The following ISG20L2 variants were observed in gnomAD, a reference collection of about 807,000 sequenced individuals.
ISG20L2 encodes interferon stimulated exonuclease gene 20 like 2, also known as interferon-stimulated 20 kDa exonuclease-like 2.
ISG20L2 carries 14 observed loss-of-function variants against 27.8 expected under a neutral mutation model. The observed-to-expected ratio is 0.50, with a 90% CI of 0.33 to 0.79. The LOEUF is 0.79. Ranked by LOEUF, ISG20L2 falls within the 30% of genes least tolerant of loss-of-function variation. The pLI is 0.02. For synonymous variants in ISG20L2, 157 were observed against 165.7 expected, an observed-to-expected ratio of 0.95 and a Z score of 0.40; for missense variants, 393 against 435.1, an observed-to-expected ratio of 0.90 and a Z score of 0.86.
chr1:156,723,186 C>G lies in ISG20L2; in HGVS notation c.*163G>C, dbSNP rs79994359. 1.2e-6 allele frequency: 1 copy of G among 839,484 alleles called. No homozygotes were observed. The highest frequency in any genetic ancestry group is 1.7e-5 in the South Asian group (1 of 60,122). 52.0% of individuals were successfully genotyped at this position (839,484 alleles called of 1,614,324 possible). On this transcript the variant is annotated 3_prime_UTR_variant, in exon 4 of 4. Transcript: ENST00000368219. ...CTTAACCAGACACAGGACACAACAC[C>G]TGAGGTGAAATTTCAATGGGTATTA... is the stretch of plus-strand genomic sequence containing the variant.
At position 156,723,136 on chromosome 1, in the gene ISG20L2, G is replaced by T; in HGVS notation, c.*213C>A. The T allele has an allele frequency of 1.7e-6, 1 of 602,446 alleles. No individual in the cohort carries two copies. The highest frequency in any genetic ancestry group is 2.9e-6 in the Non-Finnish European group (1 of 346,254). The allele number at this position is 602,446 out of a possible 1,614,324, so 37.3% of individuals were successfully genotyped here. A position where few individuals can be genotyped will look rare whatever the true frequency, so the allele number is the denominator to read the frequency against. ...AAGGTATAGGGTTGGGTTCTGACGT[G>T]AAGGCTTTCCCCTTCCATGGGACAC... is the stretch of plus-strand genomic sequence containing the variant. On this transcript the variant is annotated 3_prime_UTR_variant, in exon 4 of 4. Transcript: ENST00000368219.
chr1:156,727,656 G>C lies in ISG20L2; in HGVS notation c.-4C>G, dbSNP rs1283707668. 1.9e-6 allele frequency: 3 copies of C among 1,607,382 alleles called. No individual in the cohort carries two copies. The African/African-American group carries it at 4.0e-5, about 22-fold the overall frequency. ...GATTGAGCAGTAAAGTAGACATAGG[G>C]ACAATGGAAGGCGGAAGAGTAGTTG... On this transcript the variant is annotated 5_prime_UTR_variant, in exon 2 of 4. Coordinates refer to ENST00000368219, the MANE Select transcript of ISG20L2 (RefSeq NM_001370150.2).
chr1:156,726,988 A>G lies in ISG20L2; in HGVS notation c.665T>C (p.Ile222Thr). ...ACTCCACCTGGTTCGGTAGTCCACA[A>G]TGTGGCAGGGGGGAAGAATGTACTC... Reference protein sequence around the residue: ...YDEYILPPCHIVDYRTRWSGI... With the variant: ...YDEYILPPCHTVDYRTRWSGI... Residue 222 changes from isoleucine to threonine, a missense_variant, in exon 2 of 4, where the codon ATT becomes ACT. Coordinates refer to ENST00000368219, the MANE Select transcript of ISG20L2 (RefSeq NM_001370150.2). The G allele has an allele frequency of 6.2e-6, 10 of 1,614,238 alleles. No individual in the cohort carries two copies. The highest frequency in any genetic ancestry group is 1.1e-5 in the South Asian group (1 of 91,090).
At chr1:156,726,421 G>A (rs1012368023) in intron 2 of ISG20L2, 5 of 985,016 alleles carry the variant, frequency 5.1e-6, no homozygotes, top group South Asian at 4.7e-5. Flanking sequence ...ACCTAAAATA[G>A]TTTTTTTGTT....
chr1:156,723,640 C>T, intron 3 of ISG20L2, 178 bp from the exon 4 acceptor site: 1 of 985,350 alleles, frequency 1.0e-6, no homozygotes. Context: ...AGGGGTTCAA[C>T]TCCTAGGAAG....
chr1:156,727,308 T>G lies in ISG20L2; in HGVS notation c.345A>C (p.Lys115Asn), dbSNP rs369221159. The change falls in exon 2 of 4, where the codon AAA becomes AAC. Residue 115 changes from lysine to asparagine, a missense_variant. Physicochemically the swap from Lys to Asn is moderately conservative, Grantham distance 94. Transcript: ENST00000368219. ...TCTGGAACTCCCCCAGCAAATCTAC[T>G]TTAGCAGCAACAGAATCAGCCTTTT... ...PSKKADSVAA[K>N]VDLLGEFQSA... The G allele has an allele frequency of 1.3e-5, 21 of 1,614,050 alleles. No homozygotes were observed. The highest frequency in any genetic ancestry group is 1.7e-5 in the Non-Finnish European group (20 of 1,180,030).
At chr1:156,726,048 T>C (rs1382843542) in intron 2 of ISG20L2, 1 of 985,276 alleles carries the variant, frequency 1.0e-6, no homozygotes, top group Non-Finnish European at 1.2e-6. Context: ...CACTCTCCTT[T>C]CCGTTCATGC....
In ISG20L2 at chr1:156,727,233, G is replaced by A. The variant is rs547111068; in HGVS notation, c.420C>T (p.Ser140=). 4.3e-6 allele frequency: 7 copies of A among 1,614,036 alleles called. No homozygotes were observed. In the South Asian group the frequency reaches 7.7e-5, roughly 18 times the overall value. The part of the protein sequence containing the change: ...NSHPTRSQKK[S]SQKKSSKKNH... ...TCTTTTTAGAGGATTTCTTCTGGGAGCTCTTCTTCTGAGAGCGGGTTGGGT... is the reference window on the plus strand; with the variant it reads ...TCTTTTTAGAGGATTTCTTCTGGGAACTCTTCTTCTGAGAGCGGGTTGGGT... Residue 140 remains serine, a synonymous_variant, in exon 2 of 4, where the codon AGC becomes AGT. Coordinates refer to ENST00000368219, the MANE Select transcript of ISG20L2 (RefSeq NM_001370150.2).
intron 3 of ISG20L2, chr1:156,723,799 T>A (rs1370367967): frequency 1.0e-6 from 1 of 985,340 alleles, no homozygotes; most frequent in Admixed American, 6.1e-5. Flanking sequence ...GTGACATATG[T>A]CCCCATCTTC....
Position 156,727,071 on chromosome 1 carries a change from A to G in ISG20L2, c.582T>C (p.His194=). The G allele has an allele frequency of 6.2e-7, 1 of 1,614,164 alleles. No homozygotes were observed. The highest frequency in any genetic ancestry group is 1.1e-5 in the South Asian group (1 of 91,088). The change falls in exon 2 of 4, where the codon CAT becomes CAC. Residue 194 remains histidine (H), a synonymous_variant. Transcript: ENST00000368219. ...TGCTACATCGAGCCAAGGAACTAAC[A>G]TGCCCCTTTGGTCCTGTGCCCACCA... is the stretch of plus-strand genomic sequence containing the variant. ...CEMVGTGPKG[H]VSSLARCSIV...
chr1:156,726,652 G>A (rs1392774634), intron 2 of ISG20L2: 1 of 977,842 alleles, frequency 1.0e-6, no homozygotes, highest in Non-Finnish European at 1.2e-6. Flanking sequence ...CCAAAGTGCT[G>A]GGATTATAGG....
rs1648815232 is a variant in ISG20L2 at position 156,727,140 on chromosome 1, T to C, written c.513A>G (p.Ala171=). The change falls in exon 2 of 4, where the codon GCA becomes GCG. Residue 171 remains alanine (A), a synonymous_variant. Coordinates refer to ENST00000368219, the MANE Select transcript of ISG20L2 (RefSeq NM_001370150.2). Reference sequence around the variant, plus strand: ...CCATCTTCCGTGGCAACTTCTGGGATGCTCCGGAGCATTTATTCTCTGAAT... The same window carrying C: ...CCATCTTCCGTGGCAACTTCTGGGACGCTCCGGAGCATTTATTCTCTGAAT... The part of the protein sequence containing the change: ...QAHSENKCSG[A]SQKLPRKMVA... 1.2e-6 allele frequency: 2 copies of C among 1,614,062 alleles called. No homozygotes were observed. Among genetic ancestry groups the C allele is most frequent in the Admixed American group, 1.7e-5 (1 of 60,012 alleles).
chr1:156,724,169 C>A lies in ISG20L2; in HGVS notation c.927G>T (p.Lys309Asn). The change falls in exon 3 of 4, where the codon AAG becomes AAT. Residue 309 changes from lysine (K) to asparagine (N), a missense_variant. By Grantham distance (94) the Lys-to-Asn change is moderately conservative. Around this residue, in one of 3 missense-constraint regions of ISG20L2, gnomAD observed 171 missense variants for 195.3 expected, o/e 0.88. Transcript: ENST00000368219. ...ATMSLKHLTK[K>N]LLNRDIQVGK... ...CTACCTGGATATCCCGGTTTAGCAG[C>A]TTCTTGGTGAGATGCTTCAGAGACA... 1 of 1,613,536 alleles carries A rather than the reference C, an allele frequency of 6.2e-7. No individual in the cohort carries two copies. The highest frequency in any genetic ancestry group is 8.5e-7 in the Non-Finnish European group (1 of 1,179,886).
In ISG20L2 at chr1:156,727,491, C is replaced by T; in HGVS notation, c.162G>A (p.Leu54=). The T allele has an allele frequency of 6.2e-7, 1 of 1,614,092 alleles. No homozygotes were observed. The highest frequency in any genetic ancestry group is 8.5e-7 in the Non-Finnish European group (1 of 1,180,004). Residue 54 remains leucine, a synonymous_variant, in exon 2 of 4, where the codon TTG becomes TTA. Coordinates refer to ENST00000368219, the MANE Select transcript of ISG20L2 (RefSeq NM_001370150.2). ...CCCCTTTCTTTGAAGGTTCAGAGTG[C>T]AACTTAGGCGCCTTGCTAGGGGGTT... ...KNQPPSKAPK[L]HSEPSKKGET...
chr1:156,725,943 C>T (rs908072246), intron 2 of ISG20L2: 14 of 985,584 alleles, frequency 1.4e-5, no homozygotes, highest in Admixed American at 6.1e-5. Flanking sequence ...GGACCTGAAA[C>T]TGCAAAGACG....
Position 156,727,076 on chromosome 1 carries a change from C to G in ISG20L2, c.577G>C (p.Gly193Arg), listed in dbSNP as rs775056965. 6.2e-7 allele frequency: 1 copy of G among 1,614,190 alleles called. No individual in the cohort carries two copies. Residue 193 changes from glycine (G) to arginine (R), a missense_variant, in exon 2 of 4, where the codon GGG (glycine) becomes CGG (arginine). This residue lies in a region of ISG20L2 where 39 missense variants were observed against 71.6 expected (regional missense o/e 0.54). Coordinates refer to ENST00000368219, the MANE Select transcript of ISG20L2 (RefSeq NM_001370150.2). Reference sequence around the variant, plus strand: ...CATCGAGCCAAGGAACTAACATGCCCCTTTGGTCCTGTGCCCACCATCTCA... The same window carrying G: ...CATCGAGCCAAGGAACTAACATGCCGCTTTGGTCCTGTGCCCACCATCTCA... ...DCEMVGTGPK[G>R]HVSSLARCSI... is the part of the protein sequence containing the mutation.
intron 2 of ISG20L2, chr1:156,726,024 C>T (rs1648742169): frequency 1.0e-6 from 1 of 985,302 alleles, no homozygotes; most frequent in African/African-American, 1.7e-5. Flanking sequence ...CTTCCTCTTT[C>T]ACCCCTCCCA....
In ISG20L2 at chr1:156,723,280, T is replaced by A. The variant is rs533623681; in HGVS notation, c.*69A>T. The A allele has an allele frequency of 1.1e-5, 17 of 1,585,888 alleles. No individual in the cohort carries two copies. The highest frequency in any genetic ancestry group is 1.8e-4 in the Middle Eastern group (1 of 5,710). Reference sequence around the variant, plus strand: ...GATGTGGAGCTGGTGGAGCTGTCCATTGGTCCACTGCCCTGTTTCTCCTGG... The same window carrying A: ...GATGTGGAGCTGGTGGAGCTGTCCAATGGTCCACTGCCCTGTTTCTCCTGG... On this transcript the variant is annotated 3_prime_UTR_variant, in exon 4 of 4. Transcript: ENST00000368219.
In ISG20L2 at chr1:156,726,887, C is replaced by T. The variant is rs551375839; in HGVS notation, c.747+19G>A. 6.2e-7 allele frequency: 1 copy of T among 1,600,348 alleles called. No homozygotes were observed. The highest frequency in any genetic ancestry group is 8.5e-7 in the Non-Finnish European group (1 of 1,171,058). On this transcript the variant is annotated intron_variant, in intron 2 of 3. Coordinates refer to ENST00000368219, the MANE Select transcript of ISG20L2 (RefSeq NM_001370150.2). ...TCTCCATCCACCTCCCTGCCACCAT[C>T]AAGCCCCATGCTTCTTACCTGGCCT... is the stretch of plus-strand genomic sequence containing the variant.
Sources: gnomAD v4.1 joint callset for allele counts on GRCh38, gnomAD v4.1.1 for gene constraint, gnomAD v4.1.1 regional missense constraint, MANE v1.5 for transcripts, NCBI Gene and HGNC (gene_info 2026-07-23, HGNC 2026-07-21) for gene names.